CDH13: variants seen among roughly 807,000 people sequenced by gnomAD.
CDH13 encodes the protein cadherin 13.
CDH13 carries 24 observed loss-of-function variants against 63.8 expected under a neutral mutation model. That is an observed-to-expected ratio of 0.38 (90% CI 0.27 to 0.53). The LOEUF (loss-of-function observed/expected upper bound fraction) is 0.53, where lower values mean the gene tolerates loss of function less well. CDH13 is among the 20% of genes least tolerant of loss of function. The probability of loss-of-function intolerance (pLI) is 0.85; values close to 1 mark genes in which losing one functional copy is unlikely to be tolerated. For missense variants in CDH13, 1,049 were observed against 903.1 expected (o/e 1.16, Z -2.07); for synonymous variants, 503 against 355.3 (o/e 1.42, Z -4.67).
chr16:83,558,482 A>G (rs1489169001), intron 7 of CDH13, among the ~76,000 whole-genome samples: 1 of 152,228 alleles, frequency 6.6e-6, no homozygotes, highest in African/African-American at 2.4e-5. Context: ...TTATGCATGA[A>G]TAATGTATGT....
chr16:82,672,826 A>G (rs1055408814), intron 1 of CDH13, among the ~76,000 whole-genome samples: 2 of 151,118 alleles, frequency 1.3e-5, no homozygotes, highest in African/African-American at 2.4e-5. Context: ...CAAAATATAT[A>G]TATTTGGAGA....
intron 2 of CDH13, among the ~76,000 whole-genome samples, chr16:82,865,129 G>T (rs1423463435): frequency 6.6e-6 from 1 of 152,210 alleles, no homozygotes; most frequent in Non-Finnish European, 1.5e-5. Context: ...TGGCTTTGTG[G>T]GGTACAGCCC....
At chr16:82,839,273 G>T (rs764684785) in intron 1 of CDH13, among the ~76,000 whole-genome samples, 1 of 152,158 alleles carries the variant, frequency 6.6e-6, no homozygotes, top group Non-Finnish European at 1.5e-5. Flanking sequence ...TTCCTCCCCT[G>T]GCCCTCTAGG....
At chr16:83,458,725 G>T (rs571810883) in intron 6 of CDH13, among the ~76,000 whole-genome samples, 1 of 151,972 alleles carries the variant, frequency 6.6e-6, no homozygotes, top group African/African-American at 2.4e-5. Flanking sequence ...TTTTCATACT[G>T]ACACTTCTCA....
intron 4 of CDH13, among the ~76,000 whole-genome samples, chr16:83,152,011 A>G (rs925412660): frequency 8.6e-6 from 1 of 116,636 alleles, no homozygotes; most frequent in African/African-American, 3.8e-5. Context: ...CAAGACAAAC[A>G]AAAAAAAAAA....
Position 83,609,109 on chromosome 16 carries a change from C to T in CDH13, c.1101+6515C>T, listed in dbSNP as rs193188968. 2.6e-5 allele frequency among the ~76,000 whole-genome samples: 4 copies of T among 152,116 alleles called. No homozygotes were observed. The East Asian group carries it at 5.8e-4, about 22-fold the overall frequency. On this transcript the variant is annotated intron_variant, in intron 8 of 13. Coordinates refer to ENST00000567109, the MANE Select transcript of CDH13 (RefSeq NM_001257.5). Reference sequence around the variant, plus strand: ...TGAGGAATATCATCAAATTTAAGGACGTTTCTGTCATATATATGAGCTATG... The same window carrying T: ...TGAGGAATATCATCAAATTTAAGGATGTTTCTGTCATATATATGAGCTATG...
At chr16:83,541,954 C>T (rs528228702) in intron 7 of CDH13, among the ~76,000 whole-genome samples, 20 of 152,248 alleles carry the variant, frequency 1.3e-4, no homozygotes, top group Admixed American at 3.9e-4. Context: ...AGCAAGTGTC[C>T]AGCATTTGGA....
chr16:82,673,275 C>T (rs1913511752), intron 1 of CDH13, among the ~76,000 whole-genome samples: 1 of 152,138 alleles, frequency 6.6e-6, no homozygotes, highest in African/African-American at 2.4e-5. Context: ...TCTCTTTCCT[C>T]TGTCATTCAT....
chr16:83,197,253 T>C (rs557295550), intron 4 of CDH13, among the ~76,000 whole-genome samples: 11 of 148,578 alleles, frequency 7.4e-5, no homozygotes, highest in Non-Finnish European at 1.6e-4. Flanking sequence ...ATTTTTAATG[T>C]TTGTGGGTGT....
chr16:82,831,924 T>G (rs1011183464), intron 1 of CDH13, among the ~76,000 whole-genome samples: 3 of 152,190 alleles, frequency 2.0e-5, no homozygotes, highest in African/African-American at 7.2e-5. Context: ...TGAAATTACA[T>G]CAAGGATGAC....
intron 5 of CDH13, among the ~76,000 whole-genome samples, chr16:83,312,877 C>T (rs1288059296): frequency 6.6e-6 from 1 of 152,014 alleles, no homozygotes; most frequent in Non-Finnish European, 1.5e-5. Flanking sequence ...CTCAGAAAAT[C>T]TGCACTTAAA....
chr16:83,060,940 C>T (rs916726321), intron 3 of CDH13, among the ~76,000 whole-genome samples: 1 of 152,196 alleles, frequency 6.6e-6, no homozygotes, highest in African/African-American at 2.4e-5. Context: ...ATGCCTCTGT[C>T]AACCAGGCTC....
At chr16:83,725,812 C>T (rs937190912) in intron 10 of CDH13, 1 of 152,202 alleles carries the variant, frequency 6.6e-6, no homozygotes, top group Non-Finnish European at 1.5e-5. Context: ...TCTGTGTTGT[C>T]AGTTAACTTT....
At chr16:83,512,916 C>G (rs1256423807) in intron 7 of CDH13, among the ~76,000 whole-genome samples, 1 of 151,852 alleles carries the variant, frequency 6.6e-6, no homozygotes, top group African/African-American at 2.4e-5. Flanking sequence ...GATGCCAAGC[C>G]ACACTAAAAT....
chr16:83,577,041 G>T (rs2150715119), intron 7 of CDH13, among the ~76,000 whole-genome samples: 1 of 152,184 alleles, frequency 6.6e-6, no homozygotes, highest in African/African-American at 2.4e-5. Context: ...TGACATTTGT[G>T]GGCAAAACAA....
At chr16:83,559,118 G>A (rs538531630) in intron 7 of CDH13, among the ~76,000 whole-genome samples, 3 of 152,336 alleles carry the variant, frequency 2.0e-5, no homozygotes, top group African/African-American at 7.2e-5. Flanking sequence ...CAGGAACTAG[G>A]AGGGCAGAGT....
In CDH13 at chr16:82,941,335, C is replaced by G. The variant is rs1414726944; in HGVS notation, c.157+82862C>G. Among the ~76,000 whole-genome samples, 3 of 152,118 alleles carry G rather than the reference C, an allele frequency of 2.0e-5. No homozygotes were observed. The East Asian group carries it at 5.8e-4, about 29-fold the overall frequency. ...CAGTGAAATCTAGATAGCGTTGGAC[C>G]AAAACCCTGTTCTGTGCCTTGAGAA... On this transcript the variant is annotated intron_variant, in intron 2 of 13. Coordinates refer to ENST00000567109, the MANE Select transcript of CDH13 (RefSeq NM_001257.5).
chr16:82,911,619 C>A (rs1315209072), intron 2 of CDH13, among the ~76,000 whole-genome samples: 1 of 152,166 alleles, frequency 6.6e-6, no homozygotes, highest in Non-Finnish European at 1.5e-5. Flanking sequence ...TAACCCAAAA[C>A]AGATAATAAG....
chr16:83,563,587 G>T (rs1003226034), intron 7 of CDH13, among the ~76,000 whole-genome samples: 14 of 152,160 alleles, frequency 9.2e-5, no homozygotes, highest in Admixed American at 1.3e-4. Flanking sequence ...TGATTTGGTG[G>T]AAATTTTACA....
Sources: gnomAD v4.1 joint callset for allele counts (sites outside exome capture counted in the v4.1 genomes callset) on GRCh38, gnomAD v4.1.1 for gene constraint, MANE v1.5 for transcripts, NCBI Gene and HGNC (gene_info 2026-07-23, HGNC 2026-07-21) for gene names.